XRCC5: variants seen among roughly 807,000 people sequenced by gnomAD.
XRCC5 encodes the protein DNA repair protein Ku80.
A neutral mutation model predicts 95.7 loss-of-function variants in XRCC5; 12 were observed. That is an observed-to-expected ratio of 0.13 (90% CI 0.08 to 0.20). The LOEUF (loss-of-function observed/expected upper bound fraction) is 0.20, where lower values mean the gene tolerates loss of function less well. Ranked by LOEUF, XRCC5 falls within the 10% of genes least tolerant of loss-of-function variation. The pLI, the probability that XRCC5 is intolerant of heterozygous loss-of-function variation, is 1.00. For synonymous variants in XRCC5, 281 were observed against 290.3 expected (o/e 0.97, Z 0.33); for missense variants, 595 against 873.9 (o/e 0.68, Z 4.02).
At chr2:216,142,718 T>C (rs895338573) in intron 13 of XRCC5, among the ~76,000 whole-genome samples, 1 of 152,238 alleles carries the variant, frequency 6.6e-6, no homozygotes, top group Non-Finnish European at 1.5e-5. Flanking sequence ...TTCTCCCTTA[T>C]GACTCACTTC....
chr2:216,195,033 C>A, intron 19 of XRCC5, 47 bp downstream of exon 19: 3 of 1,571,548 alleles, frequency 1.9e-6, no homozygotes, highest in Non-Finnish European at 2.6e-6. Context: ...TTATAGTGGA[C>A]TTTATTTTCT....
chr2:216,114,430 T>C (rs890164115), intron 2 of XRCC5, among the ~76,000 whole-genome samples: 5 of 151,980 alleles, frequency 3.3e-5, no homozygotes, highest in Non-Finnish European at 7.4e-5. Context: ...TTCTTGGTTA[T>C]AGTTGTGTTG....
rs149998611 is a variant in XRCC5 at position 216,187,786 on chromosome 2, G to GACACACACACACACACACACACAC, written c.1835-2426_1835-2403dup. 4.3e-4 allele frequency among the ~76,000 whole-genome samples: 28 copies of GACACACACACACACACACACACAC among 64,540 alleles called. 2 individuals carry two copies. The highest frequency in any genetic ancestry group is 2.6e-3 in the African/African-American group (26 of 9,958). The allele number at this position is 64,540 out of a possible 152,430, so 42.3% of individuals were successfully genotyped here. A position where few individuals can be genotyped will look rare whatever the true frequency, so the allele number is the denominator to read the frequency against. The stretch of plus-strand genomic sequence containing the variant: ...AGTATCTGTGATGCCATGAACTCCT[G>GACACACACACACACACACACACAC]ACACACACACACACACACACACACA... On this transcript the variant is annotated intron_variant, in intron 16 of 20. Transcript: ENST00000392132.
At position 216,177,400 on chromosome 2, in the gene XRCC5, C is replaced by T. The variant is rs1253121713; in HGVS notation, c.1835-12825C>T. Among the ~76,000 whole-genome samples, 3 of 152,130 alleles carry T rather than the reference C, an allele frequency of 2.0e-5. No homozygotes were observed. The South Asian group carries it at 6.2e-4, about 32-fold the overall frequency. On this transcript the variant is annotated intron_variant, in intron 16 of 20. Transcript: ENST00000392132. Reference sequence around the variant, plus strand: ...TTTTACAGGGTGACACTAAAGAAAACACTGTCAATTCAGGTAATAGAGTAT... The same window carrying T: ...TTTTACAGGGTGACACTAAAGAAAATACTGTCAATTCAGGTAATAGAGTAT...
chr2:216,188,431 T>C (rs2106045723), intron 16 of XRCC5, among the ~76,000 whole-genome samples: 1 of 152,372 alleles, frequency 6.6e-6, no homozygotes, highest in East Asian at 1.9e-4. Flanking sequence ...CATAACATAG[T>C]ATCTTCTACA....
chr2:216,189,253 C>G (rs886799257), intron 16 of XRCC5, among the ~76,000 whole-genome samples: 1 of 152,200 alleles, frequency 6.6e-6, no homozygotes, highest in Non-Finnish European at 1.5e-5. Context: ...TTTGGGGAAA[C>G]AGGCAGTCAT....
chr2:216,131,896 G>A (rs766327681), intron 9 of XRCC5, among the ~76,000 whole-genome samples: 2 of 152,166 alleles, frequency 1.3e-5, no homozygotes, highest in Non-Finnish European at 2.9e-5. Context: ...GAACGCTTGT[G>A]CCCAGACTTT....
At chr2:216,117,853 A>G (rs1179806624) in intron 4 of XRCC5, 59 bp downstream of exon 4, 1 of 1,472,196 alleles carries the variant, frequency 6.8e-7, no homozygotes, top group Non-Finnish European at 9.5e-7. Flanking sequence ...TGTATGGGTT[A>G]ATGTATTGAA....
At chr2:216,119,247 G>A in intron 5 of XRCC5, 82 bp downstream of exon 5, 1 of 1,500,690 alleles carries the variant, frequency 6.7e-7, no homozygotes. Flanking sequence ...AGAGTACTTG[G>A]TTTATGGGAA....
At chr2:216,109,517 C>T in intron 1 of XRCC5, 60 bp downstream of exon 1, 1 of 1,606,936 alleles carries the variant, frequency 6.2e-7, no homozygotes. Context: ...GAGGGTGGTT[C>T]GGAAGCAGGA....
At chr2:216,138,719 A>C (rs956998767) in intron 12 of XRCC5, among the ~76,000 whole-genome samples, 6 of 152,324 alleles carry the variant, frequency 3.9e-5, no homozygotes, top group African/African-American at 1.4e-4. Flanking sequence ...TCCTATATAG[A>C]ATTATTCTTA....
chr2:216,127,703 C>G, intron 8 of XRCC5, 29 bp downstream of exon 8: 1 of 1,563,402 alleles, frequency 6.4e-7, no homozygotes, highest in Non-Finnish European at 8.6e-7. Flanking sequence ...TCACTGTTGC[C>G]TAAAAGACAT....
intron 17 of XRCC5, 51 bp from the exon 18 acceptor site, chr2:216,192,588 T>C: frequency 7.4e-7 from 1 of 1,359,124 alleles, no homozygotes; most frequent in Non-Finnish European, 1.0e-6. Context: ...TGAATTTGTT[T>C]TTGTGTTTGC....
chr2:216,136,356 C>CAAAAAAAAA (rs767749732), intron 10 of XRCC5, among the ~76,000 whole-genome samples: 8 of 34,142 alleles, frequency 2.3e-4, no homozygotes, highest in African/African-American at 8.3e-4. Flanking sequence ...AACTGTGTCT[C>CAAAAAAAAA]AAAAAAAAAA....
intron 7 of XRCC5, 130 bp from the exon 8 acceptor site, chr2:216,127,406 C>G: frequency 3.7e-6 from 4 of 1,071,956 alleles, no homozygotes; most frequent in South Asian, 2.2e-5. Context: ...TAGGCATGAG[C>G]AAACAAAATA....
At chr2:216,174,923 G>T in intron 16 of XRCC5, 2 of 345,978 alleles carry the variant, frequency 5.8e-6, no homozygotes, top group South Asian at 2.8e-5. Context: ...TATCCGTCAC[G>T]TCTACCGCCA....
In XRCC5 at chr2:216,130,945, G is replaced by A. The variant is rs1427686586; in HGVS notation, c.1008G>A (p.Glu336=). 6.2e-7 allele frequency: 1 copy of A among 1,613,580 alleles called. No homozygotes were observed. The highest frequency in any genetic ancestry group is 8.5e-7 in the Non-Finnish European group (1 of 1,179,772). The change falls in exon 9 of 21, where the codon GAG becomes GAA. Residue 336 remains glutamate (E), a synonymous_variant. Coordinates refer to ENST00000392132, the MANE Select transcript of XRCC5 (RefSeq NM_021141.4). ...VDEEQMKYKS[E]GKCFSVLGFC... ...AGGAACAAATGAAATATAAATCGGA[G>A]GGGAAGTGCTTCTCTGTTTTGGGAT...
At chr2:216,156,637 A>G (rs778981391) in intron 14 of XRCC5, 5 of 559,112 alleles carry the variant, frequency 8.9e-6, no homozygotes, top group Non-Finnish European at 1.8e-5. Flanking sequence ...CTGCCTACAT[A>G]TAGTGACCCC....
intron 13 of XRCC5, among the ~76,000 whole-genome samples, chr2:216,142,631 G>C (rs1697190636): frequency 6.6e-6 from 1 of 152,208 alleles, no homozygotes; most frequent in East Asian, 1.9e-4. Flanking sequence ...TTTAAGGCAA[G>C]CTGTTGCTCA....
Sources: gnomAD v4.1 joint callset for allele counts (sites outside exome capture counted in the v4.1 genomes callset) on GRCh38, gnomAD v4.1.1 for gene constraint, MANE v1.5 for transcripts, NCBI Gene and HGNC (gene_info 2026-07-23, HGNC 2026-07-21) for gene names.